Variants in SERPINA1 observed in about 807,000 individuals in gnomAD.
SERPINA1 encodes alpha-1-antitrypsin.
SERPINA1 carries 21 observed loss-of-function variants against 25.4 expected under a neutral mutation model. The ratio of observed to expected loss-of-function variants is 0.83; its 90% CI spans 0.59 to 1.19. SERPINA1 has a LOEUF of 1.19. Among genes scored for constraint, SERPINA1 ranks in the 50% most tolerant of loss-of-function variants. SERPINA1 has a pLI of 0.00. For missense variants in SERPINA1, 546 were observed against 509.0 expected (o/e 1.07, Z -0.70); for synonymous variants, 218 against 211.1 (o/e 1.03, Z -0.29).
chr14:94,381,912 T>C (rs1269134518), intron 2 of SERPINA1, among the ~76,000 whole-genome samples: 2 of 152,154 alleles, frequency 1.3e-5, no homozygotes, highest in African/African-American at 4.8e-5. Flanking sequence ...TCCCCTATGC[T>C]GTTTTCCTGG....
At chr14:94,383,738 C>T (rs534929747) in intron 1 of SERPINA1, 3 of 165,994 alleles carry the variant, frequency 1.8e-5, no homozygotes, top group East Asian at 1.5e-4. Flanking sequence ...ATCCAGGAAT[C>T]GGGCCAGATC....
intron 1 of SERPINA1, among the ~76,000 whole-genome samples, chr14:94,386,056 G>A (rs554690872): frequency 9.8e-5 from 15 of 152,292 alleles, no homozygotes; most frequent in African/African-American, 2.6e-4. Context: ...GGTTCATTAT[G>A]CCTCCCAAGC....
At chr14:94,389,383 C>T (rs1025180425), upstream of SERPINA1, among the ~76,000 whole-genome samples, 3 of 152,320 alleles carry the variant, frequency 2.0e-5, no homozygotes, top group Admixed American at 6.5e-5. Context: ...TGTGGGTCTG[C>T]ACAGCCCTCT....
At chr14:94,381,490 A>G (rs1202626894) in intron 2 of SERPINA1, among the ~76,000 whole-genome samples, 1 of 152,188 alleles carries the variant, frequency 6.6e-6, no homozygotes, top group Non-Finnish European at 1.5e-5. Context: ...CATCAGGCAT[A>G]TTTGGTACCT....
In SERPINA1 at chr14:94,378,610, C is replaced by G. The variant is rs28929474; in HGVS notation, c.1096G>C (p.Glu366Gln). The G allele has an allele frequency of 4.3e-6, 7 of 1,614,146 alleles. No individual in the cohort carries two copies. In the Admixed American group the frequency reaches 1.0e-4, roughly 23 times the overall value. The change falls in exon 5 of 5, where the codon GAG becomes CAG. Residue 366 changes from glutamate to glutamine, a missense_variant. Coordinates refer to ENST00000393087, the MANE Select transcript of SERPINA1 (RefSeq NM_000295.5). ...AVHKAVLTID[E>Q]KGTEAAGAMF... ...GCCCCAGCAGCTTCAGTCCCTTTCT[C>G]GTCGATGGTCAGCACAGCCTTATGC... is the stretch of plus-strand genomic sequence containing the variant.
chr14:94,389,752 T>A (rs1897561919), upstream of SERPINA1: 1 of 152,184 alleles, frequency 6.6e-6, no homozygotes, highest in Non-Finnish European at 1.5e-5. Context: ...CTTCTGTCAT[T>A]CACCAGTCCC....
chr14:94,380,694 C>A, intron 3 of SERPINA1, 177 bp downstream of exon 3: 1 of 759,542 alleles, frequency 1.3e-6, no homozygotes, highest in East Asian at 2.6e-5. Context: ...GCATGGATGG[C>A]GCTGCCTGAA....
chr14:94,380,530 T>C, intron 3 of SERPINA1: 1 of 374,870 alleles, frequency 2.7e-6, no homozygotes, highest in Non-Finnish European at 5.0e-6. Context: ...GAAGCCCATC[T>C]GTTCCTTTTT....
At chr14:94,383,466 T>A in intron 1 of SERPINA1, 1 of 584,160 alleles carries the variant, frequency 1.7e-6, no homozygotes, top group South Asian at 2.2e-5. Context: ...GTTAATTCAT[T>A]GCTTTCTTGT....
chr14:94,378,395 T>A lies in SERPINA1; in HGVS notation c.*54A>T. 3 of 1,463,860 alleles carry A rather than the reference T, an allele frequency of 2.0e-6. No homozygotes were observed. In the South Asian group the frequency reaches 3.4e-5, roughly 17 times the overall value. 90.7% of individuals were successfully genotyped at this position (1,463,860 alleles called of 1,614,324 possible). On this transcript the variant is annotated 3_prime_UTR_variant, in exon 5 of 5. Coordinates refer to ENST00000393087, the MANE Select transcript of SERPINA1 (RefSeq NM_000295.5). ...GGACCAGCTCAACCCTTCTTTAATG[T>A]CATCCAGGGAGGGGGCCAGGGATGG...
Position 94,381,036 on chromosome 14 carries a change from A to C in SERPINA1, c.752T>G (p.Phe251Cys), listed in dbSNP as rs759837735. 5 of 1,613,684 alleles carry C rather than the reference A, an allele frequency of 3.1e-6. No individual in the cohort carries two copies. The Admixed American group carries it at 6.7e-5, about 22-fold the overall frequency. Residue 251 changes from phenylalanine to cysteine, a missense_variant, in exon 3 of 5, where the codon TTT (phenylalanine) becomes TGT (cysteine). Physicochemically the swap from Phe to Cys is radical, Grantham distance 205. Coordinates refer to ENST00000393087, the MANE Select transcript of SERPINA1 (RefSeq NM_000295.5). ...KVPMMKRLGM[F>C]NIQHCKKLSS... ...CAGCTTCTTACAGTGCTGGATGTTA[A>C]ACATGCCTAAACGCTTCATCATAGG...
chr14:94,379,128 G>A, intron 4 of SERPINA1: 1 of 580,018 alleles, frequency 1.7e-6, no homozygotes. Context: ...GAAGGAGTCA[G>A]AAATTCCTTT....
At position 94,383,217 on chromosome 14, in the gene SERPINA1, C is replaced by A. The variant is rs370038282; in HGVS notation, c.21G>T (p.Trp7Cys). The part of the protein sequence containing the change: MPSSVS[W>C]GILLLAGLCC... Reference sequence around the variant, plus strand: ...ACAGGCCTGCCAGCAGGAGGATGCCCCACGAGACAGAAGACGGCATTGTCC... The same window carrying A: ...ACAGGCCTGCCAGCAGGAGGATGCCACACGAGACAGAAGACGGCATTGTCC... Residue 7 changes from tryptophan to cysteine, a missense_variant, in exon 2 of 5, where the codon TGG becomes TGT. By Grantham distance (215) the Trp-to-Cys change is radical. Coordinates refer to ENST00000393087, the MANE Select transcript of SERPINA1 (RefSeq NM_000295.5). The A allele has an allele frequency of 6.2e-7, 1 of 1,613,400 alleles. No individual in the cohort carries two copies. The highest frequency in any genetic ancestry group is 1.3e-5 in the African/African-American group (1 of 74,898).
At position 94,380,862 on chromosome 14, in the gene SERPINA1, G is replaced by A. The variant is rs762355697; in HGVS notation, c.917+9C>T. On this transcript the variant is annotated intron_variant, in intron 3 of 4. Coordinates refer to ENST00000393087, the MANE Select transcript of SERPINA1 (RefSeq NM_000295.5). ...CAGCTTCTTGGTCACCCTCAGGTTG[G>A]GGAATCACCTTCTGTCTTCATTTTC... 2.5e-6 allele frequency: 4 copies of A among 1,614,176 alleles called. No homozygotes were observed. The highest frequency in any genetic ancestry group is 4.5e-5 in the East Asian group (2 of 44,880).
Position 94,379,602 on chromosome 14 carries a change from G to A in SERPINA1, c.927C>T (p.Ser309=), listed in dbSNP as rs1404482666. 2.5e-6 allele frequency: 4 copies of A among 1,613,620 alleles called. No homozygotes were observed. Among genetic ancestry groups the A allele is most frequent in the Non-Finnish European group, 3.4e-6 (4 of 1,179,878 alleles). ...FLENEDRRSA[S]LHLPKLSITG... ...TAATGGACAGTTTGGGTAAATGTAA[G>A]CTGGCAGACCTGTCGTGCAGAAAAG... Residue 309 remains serine (S), a synonymous_variant, in exon 4 of 5, where the codon AGC becomes AGT. Transcript: ENST00000393087.
chr14:94,383,401 C>A (rs1197495160), intron 1 of SERPINA1, 160 bp from the exon 2 acceptor site: 5 of 712,296 alleles, frequency 7.0e-6, no homozygotes, highest in Non-Finnish European at 1.2e-5. Context: ...AGAAGAATAG[C>A]AAAATGTACG....
Position 94,379,727 on chromosome 14 carries a change from C to T in SERPINA1, c.918-116G>A, listed in dbSNP as rs1321201699. The T allele has an allele frequency of 3.6e-6, 5 of 1,393,028 alleles. No individual in the cohort carries two copies. In the East Asian group the frequency reaches 9.4e-5, roughly 26 times the overall value. The allele number at this position is 1,393,028 out of a possible 1,614,324, so 86.3% of individuals were successfully genotyped here. A position where few individuals can be genotyped will look rare whatever the true frequency, so the allele number is the denominator to read the frequency against. ...TATTTCTGCCACTTACTCCTGTGTC[C>T]TCCACCCACACTAAGATGGGAACTC... On this transcript the variant is annotated intron_variant, in intron 3 of 4. Transcript: ENST00000393087.
At chr14:94,380,407 G>A (rs1310765190) in intron 3 of SERPINA1, among the ~76,000 whole-genome samples, 6 of 152,188 alleles carry the variant, frequency 3.9e-5, no homozygotes, top group Non-Finnish European at 8.8e-5. Context: ...AACATGGCCT[G>A]GCTGTTCCAA....
At chr14:94,380,827 G>T in intron 3 of SERPINA1, 44 bp downstream of exon 3, 2 of 1,613,874 alleles carry the variant, frequency 1.2e-6, no homozygotes, top group Non-Finnish European at 1.7e-6. Flanking sequence ...ACATGGCTAA[G>T]AGGTGTGGGC....
Sources: allele counts gnomAD v4.1 joint callset (sites outside exome capture counted in the v4.1 genomes callset), GRCh38; gene constraint gnomAD v4.1.1; transcripts MANE v1.5; gene names NCBI Gene and HGNC (gene_info 2026-07-23, HGNC 2026-07-21).